The following MOB3B variants were observed in gnomAD, a reference collection of about 807,000 sequenced individuals.
The protein encoded by MOB3B is MOB kinase activator-like 2B.
Under a neutral mutation model 18.7 loss-of-function variants are expected in MOB3B, and 7 were observed. That is an observed-to-expected ratio of 0.37 (90% confidence interval 0.21 to 0.70). The LOEUF (loss-of-function observed/expected upper bound fraction) is 0.70. MOB3B is among the 30% of genes least tolerant of loss of function. The pLI is 0.52. For synonymous variants in MOB3B, 111 were observed against 99.9 expected, an observed-to-expected ratio of 1.11 and a Z score of -0.66; for missense variants, 253 against 281.3, an observed-to-expected ratio of 0.90 and a Z score of 0.72.
At position 27,529,785 on chromosome 9, in the gene MOB3B, G is replaced by C. The variant is rs1321378079; in HGVS notation, c.-429C>G. The C allele has an allele frequency of 1.0e-6, 1 of 985,252 alleles. No individual in the cohort carries two copies. Among genetic ancestry groups the C allele is most frequent in the Admixed American group, 6.1e-5 (1 of 16,268 alleles). 61.0% of individuals were successfully genotyped at this position (985,252 alleles called of 1,614,324 possible). A position where few individuals can be genotyped will look rare whatever the true frequency, so the allele number is the denominator to read the frequency against. ...CCGGAGCAGCCCCCTCATGCACCCAGCGCGCCGCGCAGCCGGCCGGGGCTC... is the reference window on the plus strand; with the variant it reads ...CCGGAGCAGCCCCCTCATGCACCCACCGCGCCGCGCAGCCGGCCGGGGCTC... On this transcript the variant is annotated 5_prime_UTR_variant, in exon 1 of 4. Coordinates refer to ENST00000262244, the MANE Select transcript of MOB3B (RefSeq NM_024761.5).
rs1340012528 is a variant in MOB3B at position 27,326,404 on chromosome 9, T to C, written c.*4183A>G. 4 of 398,352 alleles carry C rather than the reference T, an allele frequency of 1.0e-5. No individual in the cohort carries two copies. The highest frequency in any genetic ancestry group is 6.2e-5 in the African/African-American group (3 of 48,620). The allele number at this position is 398,352 out of a possible 1,614,324, so 24.7% of individuals were successfully genotyped here. A position where few individuals can be genotyped will look rare whatever the true frequency, so the allele number is the denominator to read the frequency against. ...CTCTGATTAATTGTATTTTCACTTA[T>C]TATATATCATCTTTGGACCTTTCTA... On this transcript the variant is annotated 3_prime_UTR_variant, in exon 4 of 4. Coordinates refer to ENST00000262244, the MANE Select transcript of MOB3B (RefSeq NM_024761.5).
chr9:27,502,479 C>T (rs117777909), intron 1 of MOB3B, among the ~76,000 whole-genome samples: 285 of 152,266 alleles, frequency 1.9e-3, no homozygotes, highest in Middle Eastern at 3.4e-3. Flanking sequence ...TACCCCAAAC[C>T]AGATTAAAGG....
chr9:27,425,112 G>T (rs1822307328), intron 2 of MOB3B, among the ~76,000 whole-genome samples: 1 of 152,094 alleles, frequency 6.6e-6, no homozygotes, highest in Non-Finnish European at 1.5e-5. Context: ...GCGGTGGCTT[G>T]TGCTTGTAAT....
intron 3 of MOB3B, among the ~76,000 whole-genome samples, chr9:27,357,272 AT>A (rs1396841050): frequency 6.7e-6 from 1 of 150,132 alleles, no homozygotes; most frequent in African/African-American, 2.5e-5. Flanking sequence ...TATTAAACAT[AT>A]CTTTTATTTT....
intron 3 of MOB3B, among the ~76,000 whole-genome samples, chr9:27,340,568 C>G (rs1019551243): frequency 3.3e-5 from 5 of 152,138 alleles, no homozygotes; most frequent in African/African-American, 1.2e-4. Flanking sequence ...CTCCCTAGAG[C>G]CCCGCAGCCC....
rs761349583 is a variant in MOB3B at position 27,329,669 on chromosome 9, C to T, written c.*918G>A. Reference sequence around the variant, plus strand: ...TGTTAGTATTATGTAGAGACAGCCACGACTCCCTGTCTTTAATAAAGAACA... The same window carrying T: ...TGTTAGTATTATGTAGAGACAGCCATGACTCCCTGTCTTTAATAAAGAACA... On this transcript the variant is annotated 3_prime_UTR_variant, in exon 4 of 4. Transcript: ENST00000262244. 7 of 152,602 alleles carry T rather than the reference C, an allele frequency of 4.6e-5. No individual in the cohort carries two copies. Among genetic ancestry groups the T allele is most frequent in the African/African-American group, 1.4e-4 (6 of 41,428 alleles). The allele number at this position is 152,602 out of a possible 1,614,324, so 9.5% of individuals were successfully genotyped here.
intron 1 of MOB3B, among the ~76,000 whole-genome samples, chr9:27,528,498 C>A (rs762166366): frequency 6.6e-6 from 1 of 152,208 alleles, no homozygotes; most frequent in Non-Finnish European, 1.5e-5. Context: ...GGGGAAGGAA[C>A]AACTTTCCCT....
At chr9:27,378,782 C>A in intron 2 of MOB3B, 1 of 422,294 alleles carries the variant, frequency 2.4e-6, no homozygotes, top group Non-Finnish European at 4.9e-6. Context: ...CACAGGGAGG[C>A]TAGGAGAAGA....
At position 27,358,826 on chromosome 9, in the gene MOB3B, G is replaced by A. The variant is rs117854643; in HGVS notation, c.621+208C>T. On this transcript the variant is annotated intron_variant, in intron 3 of 3. Coordinates refer to ENST00000262244, the MANE Select transcript of MOB3B (RefSeq NM_024761.5). ...TTCCCACAACATTCTGCCACCTCTT[G>A]GAGGGTAATCTCGGACACTTATTTG... The A allele has an allele frequency of 6.4e-3, 4,791 of 748,198 alleles. 78 individuals are homozygous for A. The highest frequency in any genetic ancestry group is 0.044 in the East Asian group (1,747 of 39,772). 46.3% of individuals were successfully genotyped at this position (748,198 alleles called of 1,614,324 possible). A position where few individuals can be genotyped will look rare whatever the true frequency, so the allele number is the denominator to read the frequency against.
At chr9:27,428,107 A>G (rs1328004091) in intron 2 of MOB3B, among the ~76,000 whole-genome samples, 3 of 152,168 alleles carry the variant, frequency 2.0e-5, no homozygotes, top group Admixed American at 2.0e-4. Context: ...TTTGGTCTAC[A>G]TGTTTATTAC....
intron 1 of MOB3B, among the ~76,000 whole-genome samples, chr9:27,481,525 T>TTG (rs1409350755): frequency 1.9e-4 from 27 of 144,170 alleles, no homozygotes; most frequent in African/African-American, 7.0e-4. Context: ...TTTTTGTTTT[T>TTG]TTTTTTTTTT....
intron 2 of MOB3B, chr9:27,397,604 T>G (rs1000718013): frequency 4.6e-5 from 7 of 152,238 alleles, no homozygotes; most frequent in Non-Finnish European, 8.8e-5. Flanking sequence ...ATACTATTTT[T>G]TTAGTTCATA....
At chr9:27,381,544 G>A (rs1432172960) in intron 2 of MOB3B, among the ~76,000 whole-genome samples, 1 of 152,098 alleles carries the variant, frequency 6.6e-6, no homozygotes, top group African/African-American at 2.4e-5. Context: ...CAGAGAACTG[G>A]GTGTAACGGC....
chr9:27,363,266 TTTTG>T lies in MOB3B; in HGVS notation c.419-4034_419-4031del, dbSNP rs528819873. Among the ~76,000 whole-genome samples, 57 of 152,228 alleles carry T rather than the reference TTTTG, an allele frequency of 3.7e-4. 1 individual carries two copies. In the South Asian group the frequency reaches 0.011, roughly 30 times the overall value. ...AATTATTATTTCAGGTTTTTCGTTT[TTTTG>T]TTTGTTTGTTTTTGTGTTTTTTTGA... On this transcript the variant is annotated intron_variant, in intron 2 of 3. Transcript: ENST00000262244.
chr9:27,432,676 T>C (rs2131423908), intron 2 of MOB3B, among the ~76,000 whole-genome samples: 2 of 152,338 alleles, frequency 1.3e-5, no homozygotes, highest in Admixed American at 1.3e-4. Flanking sequence ...AGTCTCATCC[T>C]TTCCTGCCCA....
intron 1 of MOB3B, among the ~76,000 whole-genome samples, chr9:27,469,793 C>G (rs1190270495): frequency 6.6e-6 from 1 of 152,122 alleles, no homozygotes; most frequent in Non-Finnish European, 1.5e-5. Context: ...AACTTCCCCC[C>G]TCCCTTTTCG....
At chr9:27,504,559 T>C (rs146772863) in intron 1 of MOB3B, among the ~76,000 whole-genome samples, 245 of 152,198 alleles carry the variant, frequency 1.6e-3, no homozygotes, top group African/African-American at 5.6e-3. Flanking sequence ...GCCCTGGGGC[T>C]TGGGGAGATA....
intron 2 of MOB3B, among the ~76,000 whole-genome samples, chr9:27,449,874 G>C (rs1187088809): frequency 6.6e-6 from 1 of 151,756 alleles, no homozygotes; most frequent in Non-Finnish European, 1.5e-5. Flanking sequence ...GCTACTCAGG[G>C]GACTGAGACA....
In MOB3B at chr9:27,455,437, G is replaced by C; in HGVS notation, c.114C>G (p.Leu38=). The C allele has an allele frequency of 6.2e-7, 1 of 1,614,224 alleles. No homozygotes were observed. Reference sequence around the variant, plus strand: ...CCGCCTTCAGGTCCACACCCGAGTTGAGGGATGCCTGAGCCCGTTTGTGCA... The same window carrying C: ...CCGCCTTCAGGTCCACACCCGAGTTCAGGGATGCCTGAGCCCGTTTGTGCA... ...FELHKRAQAS[L]NSGVDLKAAV... The change falls in exon 2 of 4, where the codon CTC becomes CTG. Residue 38 remains leucine (L), a synonymous_variant. Coordinates refer to ENST00000262244, the MANE Select transcript of MOB3B (RefSeq NM_024761.5).
Sources: allele counts gnomAD v4.1 joint callset (sites outside exome capture counted in the v4.1 genomes callset), GRCh38; gene constraint gnomAD v4.1.1; transcripts MANE v1.5; gene names NCBI Gene and HGNC (gene_info 2026-07-23, HGNC 2026-07-21).